PLD5: variants seen among roughly 807,000 people sequenced by gnomAD.
PLD5 encodes phospholipase D family member 5.
Under a neutral mutation model 61.1 loss-of-function variants are expected in PLD5, and 36 were observed. The observed-to-expected ratio is 0.59, with a 90% confidence interval of 0.45 to 0.78. The LOEUF is 0.78. PLD5 is among the 30% of genes least tolerant of loss of function. The pLI is 0.00. For missense variants in PLD5, 515 were observed against 644.4 expected (o/e 0.80, Z 2.17); for synonymous variants, 243 against 242.8 (o/e 1.00, Z -0.01).
At chr1:242,390,457 T>C (rs1189370716) in intron 1 of PLD5, among the ~76,000 whole-genome samples, 1 of 152,212 alleles carries the variant, frequency 6.6e-6, no homozygotes, top group African/African-American at 2.4e-5. Context: ...CTTTACATCT[T>C]TATTCTGGTG....
Position 242,348,162 on chromosome 1 carries a change from G to A in PLD5, c.270C>T (p.Asp90=), listed in dbSNP as rs764741780. 1.2e-5 allele frequency: 20 copies of A among 1,613,736 alleles called. No individual in the cohort carries two copies. Among genetic ancestry groups the A allele is most frequent in the Non-Finnish European group, 1.6e-5 (19 of 1,179,850 alleles). Residue 90 remains aspartate (D), a synonymous_variant, in exon 2 of 10, where the codon GAC becomes GAT. Coordinates refer to ENST00000536534, the MANE Select transcript of PLD5 (RefSeq NM_001372062.1). ...ILVALIFSAV[D]IMGEDEDGLS... ...GTCCATCCTCATCCTCTCCCATGAT[G>A]TCCACGGCTGAAAAGATCAGTGCAA...
In PLD5 at chr1:242,088,582, C is replaced by A. The variant is rs548023952; in HGVS notation, c.*1272G>T. On this transcript the variant is annotated 3_prime_UTR_variant, in exon 10 of 10. Coordinates refer to ENST00000536534, the MANE Select transcript of PLD5 (RefSeq NM_001372062.1). The stretch of plus-strand genomic sequence containing the variant: ...CCCGAGGCCAAGCAGTGAGGGGCTC[C>A]GCTTTGAGTCACAGAGTCGGGAACA... The A allele has an allele frequency of 6.6e-6, 1 of 152,142 alleles. No individual in the cohort carries two copies. Among genetic ancestry groups the A allele is most frequent in the Admixed American group, 6.6e-5 (1 of 15,264 alleles). 9.4% of individuals were successfully genotyped at this position (152,142 alleles called of 1,614,324 possible).
At chr1:242,486,897 T>A (rs1667981912) in intron 1 of PLD5, among the ~76,000 whole-genome samples, 2 of 152,138 alleles carry the variant, frequency 1.3e-5, no homozygotes, top group South Asian at 4.1e-4. Context: ...AAGGATGAGT[T>A]CATGTCCTTT....
chr1:242,461,108 T>C (rs1478184781), intron 1 of PLD5, among the ~76,000 whole-genome samples: 1 of 152,152 alleles, frequency 6.6e-6, no homozygotes, highest in Non-Finnish European at 1.5e-5. Context: ...GCCAGTGCAC[T>C]CCAGCCTGGG....
chr1:242,277,689 T>C (rs1209186744), intron 3 of PLD5, among the ~76,000 whole-genome samples: 2 of 148,860 alleles, frequency 1.3e-5, no homozygotes, highest in African/African-American at 4.9e-5. Context: ...AAAATTAAGA[T>C]ACAATTCTTT....
intron 1 of PLD5, among the ~76,000 whole-genome samples, chr1:242,407,009 T>C (rs1664266775): frequency 6.6e-6 from 1 of 152,174 alleles, no homozygotes; most frequent in Non-Finnish European, 1.5e-5. Context: ...TTGATATGGT[T>C]TGGCTGTGTC....
At chr1:242,129,951 T>C (rs571239402) in intron 5 of PLD5, among the ~76,000 whole-genome samples, 37 of 152,330 alleles carry the variant, frequency 2.4e-4, no homozygotes, top group African/African-American at 8.7e-4. Context: ...GTTCCATCCA[T>C]GTTGCTATAA....
intron 1 of PLD5, among the ~76,000 whole-genome samples, chr1:242,502,365 C>T (rs572172622): frequency 5.9e-5 from 9 of 152,262 alleles, no homozygotes; most frequent in Middle Eastern, 3.4e-3. Flanking sequence ...TAGCCAAGCA[C>T]GCATACTGCC....
At chr1:242,190,955 T>A (rs1407332211) in intron 5 of PLD5, among the ~76,000 whole-genome samples, 1 of 151,938 alleles carries the variant, frequency 6.6e-6, no homozygotes, top group African/African-American at 2.4e-5. Flanking sequence ...CCAGAGGAGA[T>A]GAAAAGGGGA....
chr1:242,427,320 C>A (rs1367584254), intron 1 of PLD5, among the ~76,000 whole-genome samples: 1 of 152,150 alleles, frequency 6.6e-6, no homozygotes, highest in African/African-American at 2.4e-5. Context: ...TTACTAATAA[C>A]AAAATTATTA....
intron 5 of PLD5, among the ~76,000 whole-genome samples, chr1:242,128,316 G>GAA (rs10677359): frequency 0.16 from 23,779 of 146,164 alleles, 2,532 homozygotes; most frequent in African/African-American, 0.3. Context: ...AGGAAAGAAA[G>GAA]AAAAAAAAAA....
intron 1 of PLD5, among the ~76,000 whole-genome samples, chr1:242,461,919 T>C (rs568242629): frequency 1.3e-5 from 2 of 152,226 alleles, no homozygotes; most frequent in Non-Finnish European, 2.9e-5. Context: ...GTGGGTTTAT[T>C]TGTTTTTTGC....
intron 1 of PLD5, among the ~76,000 whole-genome samples, chr1:242,504,617 T>TC (rs1293797572): frequency 6.6e-6 from 1 of 152,110 alleles, no homozygotes; most frequent in South Asian, 2.1e-4. Context: ...TTCTAAAGTC[T>TC]CCCCCAGAAG....
At chr1:242,370,912 T>TTGCAAGTTTGC (rs1341349886) in intron 1 of PLD5, among the ~76,000 whole-genome samples, 1 of 152,198 alleles carries the variant, frequency 6.6e-6, no homozygotes, top group African/African-American at 2.4e-5. Flanking sequence ...TATATCAAAA[T>TTGCAAGTTTGC]AAGTCCAAGT....
At chr1:242,428,233 A>G (rs994058334) in intron 1 of PLD5, among the ~76,000 whole-genome samples, 7 of 152,324 alleles carry the variant, frequency 4.6e-5, no homozygotes. Context: ...AATACACTTC[A>G]CTGAAATCTG....
At chr1:242,206,120 C>G (rs1254236520) in intron 5 of PLD5, among the ~76,000 whole-genome samples, 1 of 152,234 alleles carries the variant, frequency 6.6e-6, no homozygotes, top group Non-Finnish European at 1.5e-5. Context: ...AGTGCTTGAG[C>G]TATTAGATTA....
At chr1:242,452,401 C>T (rs915077550) in intron 1 of PLD5, among the ~76,000 whole-genome samples, 1 of 152,114 alleles carries the variant, frequency 6.6e-6, no homozygotes, top group African/African-American at 2.4e-5. Flanking sequence ...TTACAATCAC[C>T]TCACTGATAC....
intron 6 of PLD5, 48 bp from the exon 7 acceptor site, chr1:242,114,074 C>G (rs368479617): frequency 4.0e-5 from 64 of 1,588,890 alleles, no homozygotes; most frequent in Non-Finnish European, 5.5e-5. Flanking sequence ...TTTTTGGCAG[C>G]TGGGGATTTA....
chr1:242,308,258 A>G (rs1334852012), intron 2 of PLD5, among the ~76,000 whole-genome samples: 4 of 152,202 alleles, frequency 2.6e-5, no homozygotes, highest in Middle Eastern at 6.8e-3. Context: ...GCAATTCTCT[A>G]ATCTTGGAAG....
Sources: gnomAD v4.1 joint callset for allele counts (sites outside exome capture counted in the v4.1 genomes callset) on GRCh38, gnomAD v4.1.1 for gene constraint, MANE v1.5 for transcripts, NCBI Gene and HGNC (gene_info 2026-07-23, HGNC 2026-07-21) for gene names.